KLF8: variants seen among roughly 807,000 people sequenced by gnomAD.
The protein encoded by KLF8 is Krueppel-like factor 8.
Under a neutral mutation model 18.2 loss-of-function variants are expected in KLF8, and 10 were observed. The ratio of observed to expected loss-of-function variants is 0.55; its 90% CI spans 0.34 to 0.93. The LOEUF (loss-of-function observed/expected upper bound fraction) is 0.93, where lower values mean the gene tolerates loss of function less well. Among genes scored for constraint, KLF8 ranks in the 40% least tolerant of loss-of-function variants. KLF8 has a pLI of 0.02. For missense variants in KLF8, 264 were observed against 277.9 expected (o/e 0.95, Z 0.36); for synonymous variants, 109 against 97.3 (o/e 1.12, Z -0.71).
the KLF8 span, among the ~76,000 whole-genome samples, chrX:56,180,346 C>T: frequency 3.6e-5 from 4 of 111,408 alleles, no homozygotes. Flanking sequence ...TTTTTTGTTG[C>T]ATCTGTTTGA....
the KLF8 span, chrX:56,014,815 A>ATTT: frequency 3.5e-5 from 2 of 57,377 alleles, no homozygotes; most frequent in African/African-American, 1.6e-4. Context: ...CAACAAGATC[A>ATTT]TGTTTTTTTT....
At chrX:55,949,913 T>G in the KLF8 span, among the ~76,000 whole-genome samples, 1 of 111,680 alleles carries the variant, frequency 9.0e-6, no homozygotes, top group Admixed American at 9.5e-5. Context: ...AAAGTTAACT[T>G]TATTACCAGG....
chrX:56,180,666 TG>T, the KLF8 span, among the ~76,000 whole-genome samples: 2 of 111,385 alleles, frequency 1.8e-5, no homozygotes, highest in Non-Finnish European at 3.8e-5. Context: ...GTTGTGTCTT[TG>T]TTCTCGTTGG....
In KLF8 at chrX:56,246,122, G is replaced by T. The variant is rs1193664802; in HGVS notation, c.8-4109G>T. On this transcript the variant is annotated intron_variant, in intron 1 of 5. Coordinates refer to ENST00000468660, the MANE Select transcript of KLF8 (RefSeq NM_007250.5). ...AGAAATGGCTGAGACATTATTAATTGTCAGCTCTCCCTCTTATACTATTTT... is the reference window on the plus strand; with the variant it reads ...AGAAATGGCTGAGACATTATTAATTTTCAGCTCTCCCTCTTATACTATTTT... 2.7e-5 allele frequency among the ~76,000 whole-genome samples: 3 copies of T among 111,361 alleles called. No individual in the cohort carries two copies. The Admixed American group carries it at 2.9e-4, about 11-fold the overall frequency.
intron 1 of KLF8, among the ~76,000 whole-genome samples, chrX:56,248,826 G>A (rs968175206): frequency 9.0e-6 from 1 of 111,304 alleles, no homozygotes; most frequent in Non-Finnish European, 1.9e-5. Context: ...TACACCTCAG[G>A]CATCTTTCAT....
intron 2 of KLF8, among the ~76,000 whole-genome samples, 191 bp from the exon 3 acceptor site, chrX:56,264,989 A>G (rs1015265077): frequency 8.9e-6 from 1 of 111,940 alleles, no homozygotes. Context: ...TGCCGGATAC[A>G]GTACCTGGTA....
At chrX:56,113,492 G>A in the KLF8 span, among the ~76,000 whole-genome samples, 1 of 101,618 alleles carries the variant, frequency 9.8e-6, no homozygotes, top group Non-Finnish European at 2.0e-5. Flanking sequence ...TTATTATTTT[G>A]TGTTGTTACT....
At chrX:56,004,186 G>A in the KLF8 span, among the ~76,000 whole-genome samples, 1 of 112,396 alleles carries the variant, frequency 8.9e-6, no homozygotes, top group Non-Finnish European at 1.9e-5. Flanking sequence ...AAAAGAAAGG[G>A]ATATTTACCA....
the KLF8 span, among the ~76,000 whole-genome samples, chrX:56,108,264 A>G: frequency 8.9e-6 from 1 of 111,925 alleles, no homozygotes; most frequent in Non-Finnish European, 1.9e-5. Context: ...GAAAGCAGAC[A>G]TCCTTTTCTT....
At chrX:56,156,957 C>A in the KLF8 span, among the ~76,000 whole-genome samples, 1 of 109,214 alleles carries the variant, frequency 9.2e-6, no homozygotes, top group Admixed American at 9.9e-5. Flanking sequence ...TGGCACTATT[C>A]ACAATAGCAA....
the KLF8 span, among the ~76,000 whole-genome samples, chrX:56,127,176 T>A: frequency 9.0e-6 from 1 of 111,660 alleles, no homozygotes; most frequent in Non-Finnish European, 1.9e-5. Flanking sequence ...TTAGTTTCTC[T>A]GACATATTAT....
At chrX:55,921,725 A>C in the KLF8 span, among the ~76,000 whole-genome samples, 1 of 111,997 alleles carries the variant, frequency 8.9e-6, no homozygotes, top group Non-Finnish European at 1.9e-5. Flanking sequence ...CCTTCAGACA[A>C]GGTTCTAATA....
At chrX:56,161,673 T>A in the KLF8 span, among the ~76,000 whole-genome samples, 2 of 111,408 alleles carry the variant, frequency 1.8e-5, no homozygotes, top group Non-Finnish European at 3.8e-5. Context: ...ATTCGTGTAA[T>A]TTTTTTTCAA....
the KLF8 span, among the ~76,000 whole-genome samples, chrX:56,107,500 C>T: frequency 8.9e-6 from 1 of 111,913 alleles, no homozygotes; most frequent in African/African-American, 3.2e-5. Flanking sequence ...GTCATCAAGG[C>T]TCCATGGACA....
At chrX:56,169,624 G>A in the KLF8 span, among the ~76,000 whole-genome samples, 3 of 111,731 alleles carry the variant, frequency 2.7e-5, no homozygotes, top group African/African-American at 9.7e-5. Context: ...AAAGAGAAGA[G>A]TGGGAAGCAC....
At chrX:56,211,699 C>T in the KLF8 span, among the ~76,000 whole-genome samples, 1 of 111,794 alleles carries the variant, frequency 8.9e-6, no homozygotes, top group Non-Finnish European at 1.9e-5. Context: ...TGAATTCTAC[C>T]TTGTGTTCTT....
chrX:56,132,859 A>G, the KLF8 span, among the ~76,000 whole-genome samples: 14 of 111,832 alleles, frequency 1.3e-4, no homozygotes, highest in Non-Finnish European at 3.8e-5. Flanking sequence ...TAGAAATATG[A>G]AAGATCATTC....
the KLF8 span, among the ~76,000 whole-genome samples, chrX:56,220,150 C>T: frequency 8.9e-6 from 1 of 112,204 alleles, no homozygotes; most frequent in Non-Finnish European, 1.9e-5. Context: ...GATCACTTGT[C>T]GGTTTATAAC....
the KLF8 span, among the ~76,000 whole-genome samples, chrX:56,068,933 C>T: frequency 8.9e-6 from 1 of 112,498 alleles, no homozygotes; most frequent in Non-Finnish European, 1.9e-5. Flanking sequence ...GTGGAAGTCC[C>T]AGCTTTGTTA....
Sources: gnomAD v4.1 joint callset for allele counts (sites outside exome capture counted in the v4.1 genomes callset) on GRCh38, gnomAD v4.1.1 for gene constraint, MANE v1.5 for transcripts, NCBI Gene and HGNC (gene_info 2026-07-23, HGNC 2026-07-21) for gene names.